The following PPM1L variants were observed in gnomAD, a reference collection of about 807,000 sequenced individuals.
PPM1L encodes the protein protein phosphatase 1L.
PPM1L carries 13 observed loss-of-function variants against 31.4 expected under a neutral mutation model. The observed-to-expected ratio is 0.41, with a 90% CI of 0.27 to 0.66. The LOEUF (loss-of-function observed/expected upper bound fraction) is 0.66, where lower values mean the gene tolerates loss of function less well. Ranked by LOEUF, PPM1L falls within the 30% of genes least tolerant of loss-of-function variation. The probability of loss-of-function intolerance (pLI) is 0.29; values close to 1 mark genes in which losing one functional copy is unlikely to be tolerated. For synonymous variants in PPM1L, 184 were observed against 175.4 expected, an observed-to-expected ratio of 1.05 and a Z score of -0.39; for missense variants, 326 against 453.7, an observed-to-expected ratio of 0.72 and a Z score of 2.56.
At chr3:160,897,449 C>A (rs923574236) in intron 1 of PPM1L, among the ~76,000 whole-genome samples, 1 of 152,210 alleles carries the variant, frequency 6.6e-6, no homozygotes, top group African/African-American at 2.4e-5. Flanking sequence ...TGACCCCTCC[C>A]TGTACCTCTA....
At chr3:160,936,293 A>G (rs1434164595) in intron 1 of PPM1L, among the ~76,000 whole-genome samples, 2 of 152,022 alleles carry the variant, frequency 1.3e-5, no homozygotes, top group Non-Finnish European at 2.9e-5. Flanking sequence ...GGGTTTCACT[A>G]TGTTAGCCAG....
rs141125699 is a variant in PPM1L at position 160,910,557 on chromosome 3, C to T, written c.400-51179C>T. Among the ~76,000 whole-genome samples, 428 of 152,238 alleles carry T rather than the reference C, an allele frequency of 2.8e-3. 1 individual carries two copies. Among genetic ancestry groups the T allele is most frequent in the African/African-American group, 9.8e-3 (409 of 41,540 alleles). The stretch of plus-strand genomic sequence containing the variant: ...AACTTCTGGCCTCAAGTGATCAGCC[C>T]ACCTCGGCCTCCCAAAGTGTTGGGA... On this transcript the variant is annotated intron_variant, in intron 1 of 3. Coordinates refer to ENST00000498165, the MANE Select transcript of PPM1L (RefSeq NM_139245.4).
rs192272834 is a variant in PPM1L, at chr3:160,758,345, C to G, written c.399+1638C>G. ...TATCTGTATTTTCATTTTTTTGTGCCTAAATTCAATGAGGGTGAAGGAAGC... is the reference window on the plus strand; with the variant it reads ...TATCTGTATTTTCATTTTTTTGTGCGTAAATTCAATGAGGGTGAAGGAAGC... On this transcript the variant is annotated intron_variant, in intron 1 of 3. Transcript: ENST00000498165. Among the ~76,000 whole-genome samples, 529 of 152,172 alleles carry G rather than the reference C, an allele frequency of 3.5e-3. 6 individuals carry two copies. Among genetic ancestry groups the G allele is most frequent in the African/African-American group, 0.012 (501 of 41,510 alleles).
Position 160,757,130 on chromosome 3 carries a change from C to G in PPM1L, c.399+423C>G, listed in dbSNP as rs76386440. Reference sequence around the variant, plus strand: ...TAGGCACAGAGAAGGAAGACAATATCTTATGCTTCATTAGGCAAACAGGCT... The same window carrying G: ...TAGGCACAGAGAAGGAAGACAATATGTTATGCTTCATTAGGCAAACAGGCT... On this transcript the variant is annotated intron_variant, in intron 1 of 3. Transcript: ENST00000498165. Among the ~76,000 whole-genome samples the G allele has an allele frequency of 5.4e-4, 82 of 152,308 alleles. No homozygotes were observed. The East Asian group carries it at 0.011, about 21-fold the overall frequency.
chr3:161,064,364 C>G (rs1719662949), intron 2 of PPM1L, among the ~76,000 whole-genome samples: 1 of 143,108 alleles, frequency 7.0e-6, no homozygotes, highest in African/African-American at 2.6e-5. Flanking sequence ...AAGACCCTAT[C>G]TCTTAAAAAA....
chr3:161,014,759 T>C (rs2014810), intron 2 of PPM1L, among the ~76,000 whole-genome samples: 54,702 of 152,076 alleles, frequency 0.36, 10,360 homozygotes, highest in East Asian at 0.64. Flanking sequence ...CGTGAGCCAC[T>C]GCTCCTGGCC....
intron 1 of PPM1L, among the ~76,000 whole-genome samples, chr3:160,763,539 G>T (rs1296702691): frequency 6.6e-6 from 1 of 152,210 alleles, no homozygotes; most frequent in Non-Finnish European, 1.5e-5. Flanking sequence ...AGGTCCCCCT[G>T]TTGAGCCATG....
intron 1 of PPM1L, among the ~76,000 whole-genome samples, chr3:160,810,035 G>A (rs1202287552): frequency 6.6e-6 from 1 of 151,954 alleles, no homozygotes; most frequent in Non-Finnish European, 1.5e-5. Flanking sequence ...TGAGCCCTTA[G>A]GAGGAATTCA....
chr3:160,850,009 A>G (rs1714215025), intron 1 of PPM1L, among the ~76,000 whole-genome samples: 1 of 152,144 alleles, frequency 6.6e-6, no homozygotes, highest in Admixed American at 6.5e-5. Flanking sequence ...CAGTTCTGAC[A>G]CTATCTACCC....
chr3:161,045,163 A>G (rs1719021382), intron 2 of PPM1L, among the ~76,000 whole-genome samples: 1 of 152,162 alleles, frequency 6.6e-6, no homozygotes, highest in African/African-American at 2.4e-5. Flanking sequence ...ATTCCCACAC[A>G]ATAATAATGG....
chr3:160,801,176 T>C (rs956699523), intron 1 of PPM1L, among the ~76,000 whole-genome samples: 1 of 151,738 alleles, frequency 6.6e-6, no homozygotes, highest in South Asian at 2.1e-4. Context: ...CGGGAATTTT[T>C]TGCCCTTTAA....
At chr3:160,773,735 T>C (rs1711503106) in intron 1 of PPM1L, among the ~76,000 whole-genome samples, 2 of 152,174 alleles carry the variant, frequency 1.3e-5, no homozygotes, top group African/African-American at 4.8e-5. Flanking sequence ...TTTTCAGACT[T>C]GAGTTTTTGA....
intron 2 of PPM1L, among the ~76,000 whole-genome samples, chr3:160,970,192 A>G (rs1716276615): frequency 6.6e-6 from 1 of 152,170 alleles, no homozygotes; most frequent in South Asian, 2.1e-4. Context: ...TCTCTTTACC[A>G]CATAGAATCC....
At chr3:160,798,201 C>A (rs369441238) in intron 1 of PPM1L, among the ~76,000 whole-genome samples, 10 of 118,622 alleles carry the variant, frequency 8.4e-5, no homozygotes, top group African/African-American at 4.4e-4. Flanking sequence ...AACAAACAAA[C>A]AAAAATGCCA....
At chr3:160,769,764 A>G (rs1715200800) in intron 1 of PPM1L, among the ~76,000 whole-genome samples, 1 of 152,138 alleles carries the variant, frequency 6.6e-6, no homozygotes, top group Non-Finnish European at 1.5e-5. Context: ...CAAATTCAGT[A>G]GGATTTTTGT....
chr3:160,990,797 A>C (rs1356288170), intron 2 of PPM1L, among the ~76,000 whole-genome samples: 1 of 152,220 alleles, frequency 6.6e-6, no homozygotes, highest in East Asian at 1.9e-4. Context: ...TTTCACTTCT[A>C]CTATTTGCAA....
intron 1 of PPM1L, among the ~76,000 whole-genome samples, chr3:160,944,917 TATA>T (rs1329425059): frequency 3.6e-4 from 28 of 78,496 alleles, no homozygotes; most frequent in Admixed American, 1.1e-3. Context: ...ATATATAATA[TATA>T]GTGGAGATAT....
intron 2 of PPM1L, among the ~76,000 whole-genome samples, chr3:161,011,112 A>G (rs1336024204): frequency 6.6e-6 from 1 of 152,122 alleles, no homozygotes; most frequent in Non-Finnish European, 1.5e-5. Flanking sequence ...CCTGAATGGT[A>G]TTGCCTAGGT....
At position 160,993,933 on chromosome 3, in the gene PPM1L, C is replaced by T. The variant is rs115888392; in HGVS notation, c.574+32023C>T. On this transcript the variant is annotated intron_variant, in intron 2 of 3. Transcript: ENST00000498165. Reference sequence around the variant, plus strand: ...CAAAGCCTGCTCTCTCCCCAACTCCCATTTTTCCTCTTTTTTTTTCATTGC... The same window carrying T: ...CAAAGCCTGCTCTCTCCCCAACTCCTATTTTTCCTCTTTTTTTTTCATTGC... 4.2e-3 allele frequency among the ~76,000 whole-genome samples: 644 copies of T among 152,098 alleles called. 4 individuals are homozygous for T. The highest frequency in any genetic ancestry group is 0.014 in the African/African-American group (592 of 41,502).
Sources: allele counts gnomAD v4.1 joint callset (sites outside exome capture counted in the v4.1 genomes callset), GRCh38; gene constraint gnomAD v4.1.1; transcripts MANE v1.5; gene names NCBI Gene and HGNC (gene_info 2026-07-23, HGNC 2026-07-21).